Variants in AGBL4 observed in about 807,000 individuals in gnomAD.
AGBL4 encodes the protein cytosolic carboxypeptidase 6.
Under a neutral mutation model 66.4 loss-of-function variants are expected in AGBL4, and 58 were observed. The ratio of observed to expected loss-of-function variants is 0.87; its 90% CI spans 0.71 to 1.09. The LOEUF is 1.09. AGBL4 is among the 50% of genes least tolerant of loss of function. The pLI is 0.00. For synonymous variants in AGBL4, 234 were observed against 222.9 expected, an observed-to-expected ratio of 1.05 and a Z score of -0.44; for missense variants, 579 against 631.0, an observed-to-expected ratio of 0.92 and a Z score of 0.88.
At chr1:50,009,417 TA>T (rs1178842358) in intron 1 of AGBL4, among the ~76,000 whole-genome samples, 1 of 151,722 alleles carries the variant, frequency 6.6e-6, no homozygotes, top group African/African-American at 2.4e-5. Context: ...AAAAACCATA[TA>T]ATCGTTTCAA....
At chr1:49,121,637 G>A (rs923871017) in intron 4 of AGBL4, among the ~76,000 whole-genome samples, 33 of 152,306 alleles carry the variant, frequency 2.2e-4, no homozygotes, top group South Asian at 2.1e-4. Context: ...ACTGGGAGGC[G>A]TCTCCCAGTT....
chr1:48,931,531 T>C (rs1279320959), intron 5 of AGBL4, among the ~76,000 whole-genome samples: 1 of 152,158 alleles, frequency 6.6e-6, no homozygotes, highest in Non-Finnish European at 1.5e-5. Flanking sequence ...TCTCTCTCTT[T>C]TTTTTTGAGA....
intron 4 of AGBL4, among the ~76,000 whole-genome samples, chr1:49,197,291 G>A (rs1647310767): frequency 6.6e-6 from 1 of 152,188 alleles, no homozygotes; most frequent in Admixed American, 6.5e-5. Context: ...CCATGAGCAG[G>A]CTCATGACCT....
chr1:49,515,653 G>T (rs1411532529), intron 3 of AGBL4, among the ~76,000 whole-genome samples: 2 of 151,616 alleles, frequency 1.3e-5, no homozygotes, highest in East Asian at 3.9e-4. Context: ...GTCCAACAAT[G>T]ATAGACTGGA....
intron 4 of AGBL4, among the ~76,000 whole-genome samples, chr1:49,089,162 A>G (rs1472030866): frequency 1.5e-4 from 23 of 151,586 alleles, no homozygotes; most frequent in Non-Finnish European, 2.9e-5. Flanking sequence ...AAAGATCTCA[A>G]GTTAACCACC....
At chr1:49,730,407 C>A (rs1055164111) in intron 2 of AGBL4, among the ~76,000 whole-genome samples, 1 of 152,152 alleles carries the variant, frequency 6.6e-6, no homozygotes, top group Non-Finnish European at 1.5e-5. Context: ...AGAGCTGCAA[C>A]CCTTCTGGGG....
chr1:49,654,967 GA>G (rs773563641), intron 3 of AGBL4, among the ~76,000 whole-genome samples: 3 of 152,180 alleles, frequency 2.0e-5, no homozygotes, highest in African/African-American at 7.2e-5. Context: ...CTGTCATGAT[GA>G]TGTTAGCTGG....
intron 4 of AGBL4, among the ~76,000 whole-genome samples, chr1:49,141,287 A>G (rs1448507221): frequency 1.3e-5 from 2 of 152,176 alleles, no homozygotes; most frequent in Non-Finnish European, 2.9e-5. Context: ...TTCAAAAAAT[A>G]TTTATTGACC....
At chr1:49,354,204 AAGGGGTTTGAGCAAGCAGTG>A (rs1166711342) in intron 3 of AGBL4, among the ~76,000 whole-genome samples, 1 of 152,356 alleles carries the variant, frequency 6.6e-6, no homozygotes, top group African/African-American at 2.4e-5. Flanking sequence ...CCCATCCAGT[AAGGGGTTTGAGCAAGCAGTG>A]TCTGAATAAA....
At chr1:49,592,859 C>T (rs989295840) in intron 3 of AGBL4, among the ~76,000 whole-genome samples, 3 of 152,140 alleles carry the variant, frequency 2.0e-5, no homozygotes, top group Admixed American at 6.5e-5. Flanking sequence ...AACAGAACTA[C>T]CCTTTGACCC....
At position 49,589,846 on chromosome 1, in the gene AGBL4, G is replaced by T. The variant is rs367960913; in HGVS notation, c.282+107467C>A. Reference sequence around the variant, plus strand: ...ATGTATACTTGCATTCACTTAAACAGGAAAAACTTCACCCTTCCTTATTTT... The same window carrying T: ...ATGTATACTTGCATTCACTTAAACATGAAAAACTTCACCCTTCCTTATTTT... On this transcript the variant is annotated intron_variant, in intron 3 of 13. Transcript: ENST00000371839. Among the ~76,000 whole-genome samples, 13 of 152,094 alleles carry T rather than the reference G, an allele frequency of 8.5e-5. 1 individual carries two copies. Among genetic ancestry groups the T allele is most frequent in the African/African-American group, 3.1e-4 (13 of 41,534 alleles).
intron 2 of AGBL4, among the ~76,000 whole-genome samples, chr1:49,715,159 C>T (rs1235428396): frequency 1.3e-5 from 2 of 152,068 alleles, no homozygotes; most frequent in Non-Finnish European, 2.9e-5. Context: ...TGTTCCCCTC[C>T]CTGTGTCCAT....
intron 1 of AGBL4, among the ~76,000 whole-genome samples, chr1:49,982,077 G>A (rs1009316059): frequency 1.3e-5 from 2 of 152,194 alleles, no homozygotes. Context: ...ATTTCTTAAT[G>A]TGAGAATTTT....
At position 48,694,674 on chromosome 1, in the gene AGBL4, A is replaced by G. The variant is rs535197997; in HGVS notation, c.635-31433T>C. Among the ~76,000 whole-genome samples the G allele has an allele frequency of 1.2e-4, 18 of 152,176 alleles. No individual in the cohort carries two copies. In the East Asian group the frequency reaches 3.1e-3, roughly 26 times the overall value. On this transcript the variant is annotated intron_variant, in intron 6 of 13. Coordinates refer to ENST00000371839, the MANE Select transcript of AGBL4 (RefSeq NM_032785.4). ...ATCATGCTTAGGCATTCATTCATCC[A>G]TTTATCCTACCAATATCCATCAGCT... is the stretch of plus-strand genomic sequence containing the variant.
At chr1:49,113,653 A>G (rs1264156998) in intron 4 of AGBL4, among the ~76,000 whole-genome samples, 2 of 152,172 alleles carry the variant, frequency 1.3e-5, no homozygotes, top group African/African-American at 4.8e-5. Flanking sequence ...TATGGCAGCT[A>G]TAGCCTTATA....
intron 3 of AGBL4, among the ~76,000 whole-genome samples, chr1:49,691,971 T>C (rs1490376047): frequency 6.6e-6 from 1 of 152,102 alleles, no homozygotes; most frequent in Non-Finnish European, 1.5e-5. Flanking sequence ...TGTGAGTTAA[T>C]ACTTAATAAA....
chr1:49,936,710 AC>A (rs1654081789), intron 1 of AGBL4, among the ~76,000 whole-genome samples: 2 of 152,212 alleles, frequency 1.3e-5, no homozygotes, highest in Non-Finnish European at 2.9e-5. Context: ...AGAATTTTCA[AC>A]CCAGAATTTC....
At chr1:48,568,740 G>A (rs1644514366) in intron 11 of AGBL4, among the ~76,000 whole-genome samples, 1 of 152,190 alleles carries the variant, frequency 6.6e-6, no homozygotes, top group Non-Finnish European at 1.5e-5. Flanking sequence ...CATTCTGTGA[G>A]TTTCAGCTCA....
At chr1:48,766,624 A>G (rs950338354) in intron 6 of AGBL4, among the ~76,000 whole-genome samples, 2 of 152,180 alleles carry the variant, frequency 1.3e-5, no homozygotes, top group Admixed American at 6.5e-5. Context: ...GTCAGGAATG[A>G]GTTCAGGAAA....
Sources: allele counts gnomAD v4.1 joint callset (sites outside exome capture counted in the v4.1 genomes callset), GRCh38; gene constraint gnomAD v4.1.1; transcripts MANE v1.5; gene names NCBI Gene and HGNC (gene_info 2026-07-23, HGNC 2026-07-21).